Variants in PPP2R3A observed in about 807,000 individuals in gnomAD.
PPP2R3A encodes serine/threonine-protein phosphatase 2A regulatory subunit B'' subunit alpha.
Under a neutral mutation model 106.9 loss-of-function variants are expected in PPP2R3A, and 80 were observed. The ratio of observed to expected loss-of-function variants is 0.75; its 90% CI spans 0.62 to 0.90. PPP2R3A has a LOEUF of 0.90. Ranked by LOEUF, PPP2R3A falls within the 40% of genes least tolerant of loss-of-function variation. The pLI, the probability that PPP2R3A is intolerant of heterozygous loss-of-function variation, is 0.00. For missense variants in PPP2R3A, 1,386 were observed against 1,350.4 expected, an observed-to-expected ratio of 1.03 and a Z score of -0.41; for synonymous variants, 483 against 468.3, an observed-to-expected ratio of 1.03 and a Z score of -0.41.
intron 8 of PPP2R3A, among the ~76,000 whole-genome samples, chr3:136,086,132 GAAAA>G (rs879621047): frequency 7.3e-6 from 1 of 137,474 alleles, no homozygotes; most frequent in Non-Finnish European, 1.6e-5. Context: ...CTGTCTCAAA[GAAAA>G]AAAAAAAGGT....
At chr3:136,030,462 C>G (rs1269986474) in intron 3 of PPP2R3A, among the ~76,000 whole-genome samples, 3 of 151,668 alleles carry the variant, frequency 2.0e-5, no homozygotes, top group African/African-American at 7.3e-5. Flanking sequence ...CGAGTAAGTT[C>G]TTTAGTGGTG....
intron 1 of PPP2R3A, among the ~76,000 whole-genome samples, chr3:135,979,037 T>G (rs1937498461): frequency 6.6e-6 from 1 of 151,906 alleles, no homozygotes; most frequent in South Asian, 2.1e-4. Flanking sequence ...ATAAAATTTT[T>G]GTAAATGATT....
intron 9 of PPP2R3A, among the ~76,000 whole-genome samples, chr3:136,088,632 G>A (rs762482813): frequency 3.9e-5 from 6 of 152,090 alleles, no homozygotes; most frequent in African/African-American, 7.2e-5. Flanking sequence ...TTGCTGGGTC[G>A]AATGGTAGTT....
chr3:135,970,226 G>A (rs908230632), intron 1 of PPP2R3A, among the ~76,000 whole-genome samples: 1 of 152,212 alleles, frequency 6.6e-6, no homozygotes, highest in East Asian at 1.9e-4. Flanking sequence ...GTTTAGTAGA[G>A]GAGGATAGCC....
intron 13 of PPP2R3A, among the ~76,000 whole-genome samples, chr3:136,115,497 C>G (rs1937710523): frequency 6.6e-6 from 1 of 151,788 alleles, no homozygotes; most frequent in Non-Finnish European, 1.5e-5. Context: ...AGCTAAGAAC[C>G]TTTAAAAAAG....
intron 10 of PPP2R3A, among the ~76,000 whole-genome samples, chr3:136,096,967 TCACA>T: frequency 6.6e-6 from 1 of 152,138 alleles, no homozygotes; most frequent in East Asian, 1.9e-4. Flanking sequence ...AGACTTTGTC[TCACA>T]CACACACAAA....
At chr3:136,100,482 C>G (rs1205939818) in intron 10 of PPP2R3A, among the ~76,000 whole-genome samples, 16 of 151,806 alleles carry the variant, frequency 1.1e-4, no homozygotes, top group Non-Finnish European at 1.5e-5. Context: ...CGAGACCAGC[C>G]TGGTCAATAT....
In PPP2R3A at chr3:136,003,124, T is replaced by C. The variant is rs1933706997; in HGVS notation, c.1626T>C (p.Ser542=). The part of the protein sequence containing the change: ...AKGKNSNFLN[S]HSQLTGQTLV... ...GTAAAAACTCTAATTTTTTAAATAG[T>C]CACAGTCAGTTGACCGGTCAGACCC... The change falls in exon 2 of 14, where the codon AGT becomes AGC. Residue 542 remains serine (S), a synonymous_variant. Coordinates refer to ENST00000264977, the MANE Select transcript of PPP2R3A (RefSeq NM_002718.5). The C allele has an allele frequency of 6.2e-7, 1 of 1,612,734 alleles. No homozygotes were observed.
At chr3:136,066,627 G>A (rs10049233) in intron 5 of PPP2R3A, among the ~76,000 whole-genome samples, 29,721 of 152,092 alleles carry the variant, frequency 0.2, 3,268 homozygotes, top group Non-Finnish European at 0.24. Context: ...AATCATGGCA[G>A]AAGGACAAGG....
intron 13 of PPP2R3A, among the ~76,000 whole-genome samples, chr3:136,141,428 G>A (rs775638628): frequency 6.6e-6 from 1 of 152,160 alleles, no homozygotes; most frequent in Non-Finnish European, 1.5e-5. Context: ...ATCATGCAGG[G>A]CCTAGGGAAG....
chr3:136,102,092 T>C lies in PPP2R3A; in HGVS notation c.3013T>C (p.Cys1005Arg), dbSNP rs1438148009. 1.9e-6 allele frequency: 3 copies of C among 1,613,990 alleles called. No individual in the cohort carries two copies. Among genetic ancestry groups the C allele is most frequent in the Admixed American group, 3.3e-5 (2 of 59,998 alleles). ...YELEYFYEEQ[C>R]ERMEAMGIEP... The stretch of plus-strand genomic sequence containing the variant: ...GCTGGAGTACTTCTATGAGGAGCAG[T>C]GTGAACGGATGGAAGCCATGGGAAT... Residue 1005 changes from cysteine to arginine, a missense_variant, in exon 11 of 14, where the codon TGT (cysteine) becomes CGT (arginine). Coordinates refer to ENST00000264977, the MANE Select transcript of PPP2R3A (RefSeq NM_002718.5).
intron 5 of PPP2R3A, among the ~76,000 whole-genome samples, chr3:136,053,255 C>T (rs1189295971): frequency 6.6e-6 from 1 of 151,948 alleles, no homozygotes; most frequent in Admixed American, 6.6e-5. Flanking sequence ...ACCCATGTAA[C>T]AAACCTTCAC....
chr3:136,106,398 A>G lies in PPP2R3A; in HGVS notation c.3329+76A>G, dbSNP rs116700739. The stretch of plus-strand genomic sequence containing the variant: ...TCCAGAGTATTAAAACCCCCTTACA[A>G]AATCCTTTTCTGTTTTTTCCATTTT... On this transcript the variant is annotated intron_variant, in intron 13 of 13. Coordinates refer to ENST00000264977, the MANE Select transcript of PPP2R3A (RefSeq NM_002718.5). 2.4e-3 allele frequency: 3,084 copies of G among 1,274,286 alleles called. 40 individuals are homozygous for G. The African/African-American group carries it at 0.036, about 15-fold the overall frequency. 78.9% of individuals were successfully genotyped at this position (1,274,286 alleles called of 1,614,324 possible).
At chr3:135,993,902 T>C (rs1398056640) in intron 1 of PPP2R3A, among the ~76,000 whole-genome samples, 1 of 152,136 alleles carries the variant, frequency 6.6e-6, no homozygotes, top group Non-Finnish European at 1.5e-5. Flanking sequence ...CCTACAGTAA[T>C]AGAAATCAGA....
chr3:136,083,760 G>A (rs1936852153), intron 8 of PPP2R3A, among the ~76,000 whole-genome samples: 1 of 152,206 alleles, frequency 6.6e-6, no homozygotes, highest in African/African-American at 2.4e-5. Flanking sequence ...TAGTGATATG[G>A]ACAATAAAAT....
intron 5 of PPP2R3A, among the ~76,000 whole-genome samples, chr3:136,058,201 G>A (rs759520357): frequency 2.0e-5 from 3 of 152,134 alleles, no homozygotes; most frequent in Admixed American, 1.3e-4. Context: ...GCAAGAGAAA[G>A]AAATAAAGGG....
rs1215957165 is a variant in PPP2R3A, at chr3:136,094,999, G to C, written c.2927+4332G>C. ...CAAGGCTTAGTTCCTCAAACTTTCA[G>C]GTCCCTCTTCCAGAATCTGCAGATG... is the stretch of plus-strand genomic sequence containing the variant. On this transcript the variant is annotated intron_variant, in intron 10 of 13. Coordinates refer to ENST00000264977, the MANE Select transcript of PPP2R3A (RefSeq NM_002718.5). 2.0e-5 allele frequency among the ~76,000 whole-genome samples: 3 copies of C among 152,278 alleles called. No individual in the cohort carries two copies. In the East Asian group the frequency reaches 5.8e-4, roughly 29 times the overall value.
chr3:135,999,102 T>C (rs1458732986), intron 1 of PPP2R3A, among the ~76,000 whole-genome samples: 3 of 152,198 alleles, frequency 2.0e-5, no homozygotes, highest in Non-Finnish European at 2.9e-5. Flanking sequence ...ATATGTCATT[T>C]GGCATCATTC....
At chr3:135,971,079 G>A (rs576318119) in intron 1 of PPP2R3A, among the ~76,000 whole-genome samples, 41 of 152,240 alleles carry the variant, frequency 2.7e-4, no homozygotes, top group African/African-American at 8.7e-4. Context: ...GCTATGTTAG[G>A]GAATGTGTAT....
Sources: allele counts gnomAD v4.1 joint callset (sites outside exome capture counted in the v4.1 genomes callset), GRCh38; gene constraint gnomAD v4.1.1; transcripts MANE v1.5; gene names NCBI Gene and HGNC (gene_info 2026-07-23, HGNC 2026-07-21).